The following SMAD5 variants were observed in gnomAD, a reference collection of about 807,000 sequenced individuals.
SMAD5 encodes SMAD family member 5, also known as MAD, mothers against decapentaplegic homolog 5.
SMAD5 carries 9 observed loss-of-function variants against 43.1 expected under a neutral mutation model. That is an observed-to-expected ratio of 0.21 (90% CI 0.13 to 0.36). The LOEUF (loss-of-function observed/expected upper bound fraction) is 0.36. Among genes scored for constraint, SMAD5 ranks in the 10% least tolerant of loss-of-function variants. SMAD5 has a pLI of 1.00. For synonymous variants in SMAD5, 190 were observed against 192.4 expected, an observed-to-expected ratio of 0.99 and a Z score of 0.10; for missense variants, 348 against 574.0, an observed-to-expected ratio of 0.61 and a Z score of 4.02.
chr5:136,163,092 A>G lies in SMAD5; in HGVS notation c.656-180A>G, dbSNP rs139384711. Among the ~76,000 whole-genome samples the G allele has an allele frequency of 4.3e-3, 648 of 152,276 alleles. 10 individuals are homozygous for G. Among genetic ancestry groups the G allele is most frequent in the African/African-American group, 0.014 (601 of 41,550 alleles). ...AATGTGGATTTGTAGTAGGTTTTCA[A>G]TTGCCATTAGGTGTGCTGTCTGTTC... On this transcript the variant is annotated intron_variant, in intron 4 of 7. Transcript: ENST00000545279.
rs544795836 is a variant in SMAD5 at position 136,178,770 on chromosome 5, C to T, written c.*1290C>T. 8.5e-5 allele frequency: 13 copies of T among 152,354 alleles called. No individual in the cohort carries two copies. Among genetic ancestry groups the T allele is most frequent in the African/African-American group, 2.6e-4 (11 of 41,554 alleles). 9.4% of individuals were successfully genotyped at this position (152,354 alleles called of 1,614,324 possible). A position where few individuals can be genotyped will look rare whatever the true frequency, so the allele number is the denominator to read the frequency against. ...TGTAGGGATAGCTGATTTTAAAACA[C>T]TCGGCTGGGCACAGTGGCTCACACC... On this transcript the variant is annotated 3_prime_UTR_variant, in exon 8 of 8. Coordinates refer to ENST00000545279, the MANE Select transcript of SMAD5 (RefSeq NM_005903.7).
rs1754338557 is a variant in SMAD5 at position 136,174,486 on chromosome 5, A to G, written c.1108A>G (p.Thr370Ala). 6.2e-7 allele frequency: 1 copy of G among 1,613,800 alleles called. No homozygotes were observed. Among genetic ancestry groups the G allele is most frequent in the African/African-American group, 1.3e-5 (1 of 74,894 alleles). ...CNFHHGFHPT[T>A]VCKIPSSCSL... ...CTTTCATCATGGCTTTCATCCCACC[A>G]CTGTCTGTAAGATTCCCAGCAGCTG... Residue 370 changes from threonine to alanine, a missense_variant, in exon 7 of 8, where the codon ACT becomes GCT. By Grantham distance (58) the Thr-to-Ala change is moderately conservative. This residue lies in a region of SMAD5 where 97 missense variants were observed against 211.8 expected (regional missense o/e 0.46). Coordinates refer to ENST00000545279, the MANE Select transcript of SMAD5 (RefSeq NM_005903.7).
rs1580782582 is a variant in SMAD5, at chr5:136,158,233, A to G, written c.404-2623A>G. On this transcript the variant is annotated intron_variant, in intron 3 of 7. Transcript: ENST00000545279. ...AGTAATCAGAACAAAGGATAAAAAA[A>G]GCCCCACATGAAATTTTTGTATATC... Among the ~76,000 whole-genome samples, 4 of 152,294 alleles carry G rather than the reference A, an allele frequency of 2.6e-5. No individual in the cohort carries two copies. In the South Asian group the frequency reaches 8.3e-4, roughly 32 times the overall value.
chr5:136,173,850 C>T (rs1223913241), intron 6 of SMAD5, among the ~76,000 whole-genome samples: 9 of 151,388 alleles, frequency 5.9e-5, no homozygotes, highest in Non-Finnish European at 1.3e-4. Flanking sequence ...TGCAAAGGAA[C>T]ATATATATTT....
At chr5:136,166,783 G>T (rs911497000) in intron 5 of SMAD5, among the ~76,000 whole-genome samples, 2 of 151,986 alleles carry the variant, frequency 1.3e-5, no homozygotes, top group Non-Finnish European at 2.9e-5. Flanking sequence ...TGAAAATATG[G>T]ACTGTATTTA....
rs142251898 is a variant in SMAD5 at position 136,139,140 on chromosome 5, G to A, written c.-245+6178G>A. 1.5e-4 allele frequency among the ~76,000 whole-genome samples: 23 copies of A among 151,778 alleles called. No homozygotes were observed. In the East Asian group the frequency reaches 4.5e-3, roughly 29 times the overall value. ...CTAGCTGTGAGCTCTGTGTGTGTGT[G>A]TGTGTGTGTGTGTGTGTGTCTTTCT... On this transcript the variant is annotated intron_variant, in intron 1 of 7. Coordinates refer to ENST00000545279, the MANE Select transcript of SMAD5 (RefSeq NM_005903.7).
chr5:136,146,332 T>C (rs1036975737), intron 1 of SMAD5, among the ~76,000 whole-genome samples: 1 of 151,888 alleles, frequency 6.6e-6, no homozygotes, highest in Non-Finnish European at 1.5e-5. Context: ...TTTTGGGATT[T>C]TCTCTATTAC....
chr5:136,142,353 T>TAGATTC (rs1753112168), intron 1 of SMAD5, among the ~76,000 whole-genome samples: 1 of 152,116 alleles, frequency 6.6e-6, no homozygotes, highest in South Asian at 2.1e-4. Flanking sequence ...TGTAATGTGA[T>TAGATTC]AGATTCATTT....
chr5:136,151,674 A>G (rs974128214), intron 2 of SMAD5, among the ~76,000 whole-genome samples: 3 of 151,940 alleles, frequency 2.0e-5, no homozygotes, highest in Non-Finnish European at 4.4e-5. Flanking sequence ...GCTCATACAC[A>G]TACTCTCTCA....
At chr5:136,166,121 G>T (rs1172503409) in intron 5 of SMAD5, among the ~76,000 whole-genome samples, 1 of 150,150 alleles carries the variant, frequency 6.7e-6, no homozygotes, top group African/African-American at 2.4e-5. Flanking sequence ...ATTTTAATGG[G>T]TATGAAGAGA....
rs58156387 is a variant in SMAD5 at position 136,165,662 on chromosome 5, ATTTTTTTTTTTTTTTTTTTT to A, written c.775+2289_775+2308del. 2.4e-3 allele frequency among the ~76,000 whole-genome samples: 157 copies of A among 65,454 alleles called. 2 individuals carry two copies. Among genetic ancestry groups the A allele is most frequent in the South Asian group, 7.7e-3 (12 of 1,558 alleles). 42.9% of individuals were successfully genotyped at this position (65,454 alleles called of 152,430 possible). Reference sequence around the variant, plus strand: ...TACTTCATATAAATGGAATCATACAATTTTTTTTTTTTTTTTTTTTTTTTTTTTTTTTTTTTTGTGACTGG... The same window carrying A: ...TACTTCATATAAATGGAATCATACAATTTTTTTTTTTTTTTTTGTGACTGG... On this transcript the variant is annotated intron_variant, in intron 5 of 7. Coordinates refer to ENST00000545279, the MANE Select transcript of SMAD5 (RefSeq NM_005903.7).
At chr5:136,159,026 G>A (rs1259692712) in intron 3 of SMAD5, among the ~76,000 whole-genome samples, 1 of 152,164 alleles carries the variant, frequency 6.6e-6, no homozygotes, top group African/African-American at 2.4e-5. Flanking sequence ...AATATTAGTG[G>A]AATGTACTTA....
intron 1 of SMAD5, among the ~76,000 whole-genome samples, chr5:136,144,596 T>C (rs574482118): frequency 2.0e-4 from 30 of 150,618 alleles, no homozygotes; most frequent in African/African-American, 7.3e-4. Context: ...TATGTTTAGA[T>C]ATATATAAAT....
intron 5 of SMAD5, among the ~76,000 whole-genome samples, chr5:136,164,929 A>G (rs1261546262): frequency 6.6e-6 from 1 of 152,178 alleles, no homozygotes; most frequent in Non-Finnish European, 1.5e-5. Context: ...AGTTTTTTGC[A>G]TATAGAAATC....
intron 5 of SMAD5, among the ~76,000 whole-genome samples, chr5:136,171,181 T>A (rs1173332964): frequency 6.6e-6 from 1 of 152,204 alleles, no homozygotes; most frequent in African/African-American, 2.4e-5. Context: ...TAGCTGTAGA[T>A]GTTCCGTATC....
At chr5:136,135,872 C>G (rs1282696414) in intron 1 of SMAD5, among the ~76,000 whole-genome samples, 1 of 152,198 alleles carries the variant, frequency 6.6e-6, no homozygotes, top group Non-Finnish European at 1.5e-5. Flanking sequence ...CTCTCTGTCT[C>G]TCTGTACACT....
At chr5:136,134,037 T>TGG (rs10544057) in intron 1 of SMAD5, 14 of 45,932 alleles carry the variant, frequency 3.0e-4, no homozygotes, top group East Asian at 6.6e-4. Flanking sequence ...GCTGGAGCTT[T>TGG]GGGGGGGGGG....
intron 3 of SMAD5, among the ~76,000 whole-genome samples, chr5:136,158,049 A>T (rs905194267): frequency 6.6e-6 from 1 of 152,206 alleles, no homozygotes; most frequent in South Asian, 2.1e-4. Context: ...ACTTGTTAAA[A>T]CATTAAGTGG....
intron 7 of SMAD5, among the ~76,000 whole-genome samples, chr5:136,174,849 T>C (rs904420216): frequency 6.6e-6 from 1 of 152,212 alleles, no homozygotes; most frequent in African/African-American, 2.4e-5. Context: ...ATGATTGATA[T>C]TGATTTTGAT....
Sources: gnomAD v4.1 joint callset for allele counts (sites outside exome capture counted in the v4.1 genomes callset) on GRCh38, gnomAD v4.1.1 for gene constraint, gnomAD v4.1.1 regional missense constraint, MANE v1.5 for transcripts, NCBI Gene and HGNC (gene_info 2026-07-23, HGNC 2026-07-21) for gene names.